DACH2: variants seen among roughly 807,000 people sequenced by gnomAD.
DACH2 encodes dachshund homolog 2.
In DACH2, 17 loss-of-function variants were observed where a neutral mutation model predicts 35.8. The ratio of observed to expected loss-of-function variants is 0.48; its 90% CI spans 0.33 to 0.71. The LOEUF (loss-of-function observed/expected upper bound fraction) is 0.71, where lower values mean the gene tolerates loss of function less well. DACH2 is among the 30% of genes least tolerant of loss of function. The pLI is 0.02. For missense variants in DACH2, 469 were observed against 472.7 expected (o/e 0.99, Z 0.07); for synonymous variants, 195 against 177.3 (o/e 1.10, Z -0.79).
intron 3 of DACH2, among the ~76,000 whole-genome samples, chrX:86,567,408 G>C (rs138130410): frequency 9.0e-6 from 1 of 111,003 alleles, no homozygotes; most frequent in African/African-American, 3.3e-5. Flanking sequence ...CAGAGTGGTA[G>C]GTATGAAGAG....
chrX:86,795,036 G>A (rs890257231), intron 7 of DACH2, among the ~76,000 whole-genome samples: 4 of 110,831 alleles, frequency 3.6e-5, no homozygotes, highest in African/African-American at 1.3e-4. Flanking sequence ...TAATTTCAAT[G>A]CCATGTTAAA....
intron 7 of DACH2, among the ~76,000 whole-genome samples, chrX:86,758,689 A>G (rs1425541875): frequency 3.6e-5 from 4 of 112,381 alleles, no homozygotes; most frequent in Non-Finnish European, 7.5e-5. Context: ...GATGAGAAGA[A>G]TATGCATTCT....
At chrX:86,258,155 G>T (rs1268118041) in intron 1 of DACH2, among the ~76,000 whole-genome samples, 1 of 111,961 alleles carries the variant, frequency 8.9e-6, no homozygotes, top group Non-Finnish European at 1.9e-5. Flanking sequence ...ATATTTTTCA[G>T]AATAAAGAAT....
intron 4 of DACH2, among the ~76,000 whole-genome samples, chrX:86,682,004 A>C (rs1230362716): frequency 9.0e-6 from 1 of 110,941 alleles, no homozygotes; most frequent in Non-Finnish European, 1.9e-5. Context: ...CACTACCCAT[A>C]ATTGACTCAT....
chrX:86,823,335 C>T (rs1200629283), intron 11 of DACH2, among the ~76,000 whole-genome samples: 2 of 112,226 alleles, frequency 1.8e-5, no homozygotes, highest in Non-Finnish European at 3.8e-5. Flanking sequence ...AGACATGTAA[C>T]ATTACCTTTT....
At chrX:86,157,965 T>C (rs1220159722) in intron 1 of DACH2, among the ~76,000 whole-genome samples, 1 of 111,135 alleles carries the variant, frequency 9.0e-6, no homozygotes, top group Non-Finnish European at 1.9e-5. Flanking sequence ...GCAGGGTATA[T>C]AGGTGCAATT....
intron 6 of DACH2, among the ~76,000 whole-genome samples, chrX:86,734,303 T>C (rs896098690): frequency 9.0e-6 from 1 of 110,956 alleles, no homozygotes; most frequent in African/African-American, 3.3e-5. Flanking sequence ...TTCTTATGCA[T>C]AATATTATAT....
intron 5 of DACH2, among the ~76,000 whole-genome samples, chrX:86,705,065 A>C (rs867509806): frequency 1.8e-4 from 19 of 107,948 alleles, no homozygotes; most frequent in Admixed American, 6.0e-4. Flanking sequence ...ATATATATAT[A>C]TCTCACATAT....
intron 1 of DACH2, among the ~76,000 whole-genome samples, chrX:86,332,339 A>G (rs1296814386): frequency 2.7e-5 from 3 of 111,643 alleles, no homozygotes; most frequent in Non-Finnish European, 5.7e-5. Context: ...TCTAAGAATC[A>G]TAATTGTGGC....
intron 1 of DACH2, among the ~76,000 whole-genome samples, chrX:86,326,732 T>G (rs1019646630): frequency 9.0e-6 from 1 of 110,947 alleles, no homozygotes; most frequent in Non-Finnish European, 1.9e-5. Flanking sequence ...TTCCTCATCC[T>G]TATGTCCATG....
chrX:86,304,546 C>T (rs373065547), intron 1 of DACH2: 53 of 151,789 alleles, frequency 3.5e-4, no homozygotes, highest in East Asian at 3.4e-3. Flanking sequence ...CAGTTCTTCC[C>T]TGAAGAGCTT....
chrX:86,667,305 AGAAGGAAGGAAGGAAGGAAGGAAGGAAG>A (rs746792252), intron 4 of DACH2, among the ~76,000 whole-genome samples: 8 of 33,937 alleles, frequency 2.4e-4, no homozygotes, highest in African/African-American at 3.9e-4. Context: ...AAGGAAGGAA[AGAAGGAAGGAAGGAAGGAAGGAAGGAAG>A]GAAGGAAGGA....
chrX:86,725,030 T>TAA (rs199585798), intron 6 of DACH2, among the ~76,000 whole-genome samples: 25 of 101,684 alleles, frequency 2.5e-4, no homozygotes, highest in Admixed American at 4.4e-4. Context: ...GAATTTCTAT[T>TAA]AAAAAAAAAA....
At chrX:86,664,348 A>G (rs938920434) in intron 4 of DACH2, among the ~76,000 whole-genome samples, 1 of 111,584 alleles carries the variant, frequency 9.0e-6, no homozygotes, top group Admixed American at 9.6e-5. Flanking sequence ...TTTTGAGTGT[A>G]GAACTTCTTT....
At chrX:86,571,574 T>C (rs1000247148) in intron 3 of DACH2, among the ~76,000 whole-genome samples, 1 of 110,413 alleles carries the variant, frequency 9.1e-6, no homozygotes, top group Non-Finnish European at 1.9e-5. Flanking sequence ...ACACCGCATG[T>C]TCTCACTCAT....
At chrX:86,312,539 C>A (rs1446152725) in intron 1 of DACH2, among the ~76,000 whole-genome samples, 2 of 111,015 alleles carry the variant, frequency 1.8e-5, no homozygotes. Flanking sequence ...TGGGTGTTGC[C>A]CAAAAGTGAT....
rs373394662 is a variant in DACH2, at chrX:86,205,085, T to A, written c.488+55977T>A. 4.5e-5 allele frequency among the ~76,000 whole-genome samples: 5 copies of A among 111,346 alleles called. No homozygotes were observed. The East Asian group carries it at 1.4e-3, about 31-fold the overall frequency. Reference sequence around the variant, plus strand: ...ACAAGTCCAACAATATAATAAAAGATAATAATTAAAAATAATTAAAAGTGA... The same window carrying A: ...ACAAGTCCAACAATATAATAAAAGAAAATAATTAAAAATAATTAAAAGTGA... On this transcript the variant is annotated intron_variant, in intron 1 of 11. Coordinates refer to ENST00000373125, the MANE Select transcript of DACH2 (RefSeq NM_053281.3).
intron 3 of DACH2, among the ~76,000 whole-genome samples, chrX:86,591,681 G>A (rs1208624164): frequency 9.2e-6 from 1 of 108,964 alleles, no homozygotes. Context: ...GGGACTACAG[G>A]CGTGCAACTC....
intron 2 of DACH2, among the ~76,000 whole-genome samples, chrX:86,401,949 A>C (rs2036441696): frequency 2.7e-5 from 3 of 112,100 alleles, no homozygotes; most frequent in African/African-American, 9.7e-5. Flanking sequence ...TGATCATATC[A>C]ATAGATGCAC....
Sources: gnomAD v4.1 joint callset for allele counts (sites outside exome capture counted in the v4.1 genomes callset) on GRCh38, gnomAD v4.1.1 for gene constraint, MANE v1.5 for transcripts, NCBI Gene and HGNC (gene_info 2026-07-23, HGNC 2026-07-21) for gene names.